Variants in NBEAL1 observed in about 807,000 individuals in gnomAD.
NBEAL1 encodes the protein neurobeachin-like protein 1.
In NBEAL1, 273 loss-of-function variants were observed where a neutral mutation model predicts 351.3. The ratio of observed to expected loss-of-function variants is 0.78; its 90% confidence interval spans 0.70 to 0.86. The LOEUF is 0.86. NBEAL1 is among the 40% of genes least tolerant of loss of function. The probability of loss-of-function intolerance (pLI) is 0.00; values close to 1 mark genes in which losing one functional copy is unlikely to be tolerated. For missense variants in NBEAL1, 2,961 were observed against 3,201.3 expected (o/e 0.92, Z 1.81); for synonymous variants, 1,050 against 1,086.4 (o/e 0.97, Z 0.66).
intron 24 of NBEAL1, among the ~76,000 whole-genome samples, chr2:203,129,607 CATGTA>C (rs769547474): frequency 6.6e-6 from 1 of 152,082 alleles, no homozygotes; most frequent in Non-Finnish European, 1.5e-5. Flanking sequence ...TTAGACATTA[CATGTA>C]ATATAATGAT....
At position 203,199,352 on chromosome 2, in the gene NBEAL1, G is replaced by A; in HGVS notation, c.7143G>A (p.Met2381Ile). The part of the protein sequence containing the change: ...GSPELLITIS[M>I]NYVIGTHGWL... ...TTCTTTTCCAGATAACAATAAGCATGAATTATGTTATTGGAACCCATGGAT... is the reference window on the plus strand; with the variant it reads ...TTCTTTTCCAGATAACAATAAGCATAAATTATGTTATTGGAACCCATGGAT... Residue 2381 changes from methionine (M) to isoleucine (I), a missense_variant, in exon 49 of 56, where the codon ATG (methionine) becomes ATA (isoleucine). By Grantham distance (10) the Met-to-Ile change is conservative. Coordinates refer to ENST00000683969, the MANE Select transcript of NBEAL1 (RefSeq NM_001378026.1). 6.3e-7 allele frequency: 1 copy of A among 1,580,478 alleles called. No individual in the cohort carries two copies. Among genetic ancestry groups the A allele is most frequent in the Non-Finnish European group, 8.7e-7 (1 of 1,152,348 alleles).
At chr2:203,123,557 C>T (rs571330778) in intron 19 of NBEAL1, among the ~76,000 whole-genome samples, 50 of 152,238 alleles carry the variant, frequency 3.3e-4, no homozygotes, top group African/African-American at 1.2e-3. Context: ...TGGTCTCGGA[C>T]TCCTGACCTC....
rs572207160 is a variant in NBEAL1, at chr2:203,154,322, GA to G, written c.5587+2736del. 9.2e-3 allele frequency among the ~76,000 whole-genome samples: 1,404 copies of G among 151,912 alleles called. 26 individuals are homozygous for G. Among genetic ancestry groups the G allele is most frequent in the African/African-American group, 0.033 (1,352 of 41,424 alleles). On this transcript the variant is annotated intron_variant, in intron 35 of 55. Coordinates refer to ENST00000683969, the MANE Select transcript of NBEAL1 (RefSeq NM_001378026.1). ...AATTATATATTTCAAGGTGAAATTGGAAATCATAAAAAAAGGCATCAGTCTT... is the reference window on the plus strand; with the variant it reads ...AATTATATATTTCAAGGTGAAATTGGAATCATAAAAAAAGGCATCAGTCTT...
At position 203,105,036 on chromosome 2, in the gene NBEAL1, T is replaced by A. The variant is rs533019516; in HGVS notation, c.1270-2384T>A. On this transcript the variant is annotated intron_variant, in intron 12 of 55. Coordinates refer to ENST00000683969, the MANE Select transcript of NBEAL1 (RefSeq NM_001378026.1). ...CACCACGCCTGGCTAATTTTTGTATTTTAGTAGAGGTGGGGTTTCACCATT... is the reference window on the plus strand; with the variant it reads ...CACCACGCCTGGCTAATTTTTGTATATTAGTAGAGGTGGGGTTTCACCATT... Among the ~76,000 whole-genome samples, 6 of 152,030 alleles carry A rather than the reference T, an allele frequency of 3.9e-5. No individual in the cohort carries two copies. The East Asian group carries it at 1.2e-3, about 30-fold the overall frequency.
chr2:203,065,457 AAAG>A (rs1433565419), intron 6 of NBEAL1, among the ~76,000 whole-genome samples: 1 of 152,164 alleles, frequency 6.6e-6, no homozygotes, highest in Non-Finnish European at 1.5e-5. Context: ...TGAGTACAAA[AAAG>A]AAGCATGGTG....
At chr2:203,151,615 T>C (rs972737062) in intron 35 of NBEAL1, 26 bp downstream of exon 35, 13 of 1,569,172 alleles carry the variant, frequency 8.3e-6, no homozygotes, top group Non-Finnish European at 1.1e-5. Flanking sequence ...TGTTTAATTG[T>C]TTGTTGAAGA....
intron 2 of NBEAL1, among the ~76,000 whole-genome samples, chr2:203,030,811 G>A (rs948920728): frequency 6.6e-6 from 1 of 152,272 alleles, no homozygotes; most frequent in African/African-American, 2.4e-5. Context: ...AGGATCACTT[G>A]AGACCAGACT....
At chr2:203,137,597 T>C (rs564619630) in intron 29 of NBEAL1, among the ~76,000 whole-genome samples, 20 of 152,354 alleles carry the variant, frequency 1.3e-4, no homozygotes, top group African/African-American at 4.6e-4. Flanking sequence ...AGCTTTTTTA[T>C]AGTCAAGTAA....
At position 203,107,982 on chromosome 2, in the gene NBEAL1, A is replaced by G; in HGVS notation, c.1743A>G (p.Arg581=). The change falls in exon 14 of 56, where the codon CGA becomes CGG. Residue 581 remains arginine, a synonymous_variant. Transcript: ENST00000683969. ...ACCCTTATGTCACTCCCGTGACTCG[A>G]GCAATCCTGACAATGGCCCGAAAAC... ...SVHPYVTPVT[R]AILTMARKLS... is the part of the protein sequence containing the mutation. 5 of 1,554,754 alleles carry G rather than the reference A, an allele frequency of 3.2e-6. No homozygotes were observed. The highest frequency in any genetic ancestry group is 4.4e-6 in the Non-Finnish European group (5 of 1,147,962).
At chr2:203,182,113 G>GA (rs2064736275) in intron 43 of NBEAL1, 1 of 152,168 alleles carries the variant, frequency 6.6e-6, no homozygotes, top group South Asian at 2.1e-4. Flanking sequence ...ATGCCTTTAG[G>GA]AAAAAATTTA....
chr2:203,084,533 C>A lies in NBEAL1; in HGVS notation c.1062C>A (p.Cys354Ter). The A allele has an allele frequency of 6.5e-7, 1 of 1,543,472 alleles. No homozygotes were observed. Among genetic ancestry groups the A allele is most frequent in the Non-Finnish European group, 8.8e-7 (1 of 1,142,598 alleles). ...VLQAIFLNSN[C>*]FEHLIRLLQN... Reference sequence around the variant, plus strand: ...AGGCCATTTTTCTTAACAGCAATTGCTTTGAACATCTCATACGACTGCTAC... The same window carrying A: ...AGGCCATTTTTCTTAACAGCAATTGATTTGAACATCTCATACGACTGCTAC... The change falls in exon 10 of 56, where the codon TGC becomes TGA. Residue 354 changes from cysteine to a stop codon, truncating the protein, a stop_gained. Coordinates refer to ENST00000683969, the MANE Select transcript of NBEAL1 (RefSeq NM_001378026.1). LOFTEE classifies it high-confidence loss of function.
At chr2:203,020,035 T>C (rs1262404682) in intron 2 of NBEAL1, among the ~76,000 whole-genome samples, 3 of 152,224 alleles carry the variant, frequency 2.0e-5, no homozygotes, top group East Asian at 1.9e-4. Context: ...TAATTTTAAT[T>C]GATAATAATT....
intron 48 of NBEAL1, among the ~76,000 whole-genome samples, chr2:203,198,020 C>CTTTTT (rs71034228): frequency 3.0e-4 from 35 of 118,578 alleles, no homozygotes; most frequent in Admixed American, 3.7e-4. Context: ...TTTTTCTTTT[C>CTTTTT]TTTTTTTTTT....
chr2:203,130,569 T>C, intron 25 of NBEAL1, 93 bp downstream of exon 25: 2 of 794,738 alleles, frequency 2.5e-6, no homozygotes, highest in Non-Finnish European at 3.5e-6. Context: ...TATAAATTAT[T>C]TTTATATCTA....
chr2:203,161,225 G>T (rs548181141), intron 36 of NBEAL1, among the ~76,000 whole-genome samples: 223 of 151,830 alleles, frequency 1.5e-3, no homozygotes, highest in African/African-American at 5.3e-3. Flanking sequence ...TACTTGGGAG[G>T]CTGAGGCAGG....
intron 6 of NBEAL1, among the ~76,000 whole-genome samples, chr2:203,066,340 T>TC (rs1351838018): frequency 7.1e-6 from 1 of 141,720 alleles, no homozygotes; most frequent in Non-Finnish European, 1.6e-5. Context: ...TTTTTTTTTT[T>TC]CCATTTAAAC....
chr2:203,138,161 G>A lies in NBEAL1; in HGVS notation c.4566-1G>A. ...TTAAGAGGACTTTGTTTTCCATTTA[G>A]TTTGCTACAAAAGATGTTAGAATGG... On this transcript the variant is annotated splice_acceptor_variant, in intron 29 of 55. Transcript: ENST00000683969. LOFTEE classifies it high-confidence loss of function. 6.2e-7 allele frequency: 1 copy of A among 1,612,914 alleles called. No individual in the cohort carries two copies. Among genetic ancestry groups the A allele is most frequent in the Non-Finnish European group, 8.5e-7 (1 of 1,179,766 alleles).
At position 203,220,572 on chromosome 2, in the gene NBEAL1, A is replaced by G. The variant is rs1053256910; in HGVS notation, c.*3218A>G. Among the ~76,000 whole-genome samples the G allele has an allele frequency of 2.0e-5, 3 of 152,186 alleles. No individual in the cohort carries two copies. Among genetic ancestry groups the G allele is most frequent in the Admixed American group, 6.6e-5 (1 of 15,266 alleles). ...TGATGACAAAAATAAAAATCTCAGCATCCTGGTGATAGGAAGAGATTTATA... is the reference window on the plus strand; with the variant it reads ...TGATGACAAAAATAAAAATCTCAGCGTCCTGGTGATAGGAAGAGATTTATA... On this transcript the variant is annotated 3_prime_UTR_variant, in exon 56 of 56. Transcript: ENST00000683969.
At chr2:203,034,665 G>T (rs2061013016) in intron 2 of NBEAL1, among the ~76,000 whole-genome samples, 1 of 148,340 alleles carries the variant, frequency 6.7e-6, no homozygotes. Flanking sequence ...TGTTGGTCAG[G>T]CTGGTCTTGA....
Sources: allele counts gnomAD v4.1 joint callset (sites outside exome capture counted in the v4.1 genomes callset), GRCh38; gene constraint gnomAD v4.1.1; transcripts MANE v1.5; gene names NCBI Gene and HGNC (gene_info 2026-07-23, HGNC 2026-07-21).